PTPN21: variants seen among roughly 807,000 people sequenced by gnomAD.
The protein encoded by PTPN21 is tyrosine-protein phosphatase non-receptor type 21.
A neutral mutation model predicts 131.8 loss-of-function variants in PTPN21; 77 were observed. That is an observed-to-expected ratio of 0.58 (90% CI 0.49 to 0.71). The LOEUF (loss-of-function observed/expected upper bound fraction) is 0.71. Ranked by LOEUF, PTPN21 falls within the 30% of genes least tolerant of loss-of-function variation. The pLI is 0.00. For synonymous variants in PTPN21, 715 were observed against 621.3 expected, an observed-to-expected ratio of 1.15 and a Z score of -2.24; for missense variants, 1,552 against 1,527.1, an observed-to-expected ratio of 1.02 and a Z score of -0.27.
intron 9 of PTPN21, 108 bp from the exon 10 acceptor site, chr14:88,496,600 C>A: frequency 1.2e-6 from 1 of 839,486 alleles, no homozygotes; most frequent in South Asian, 1.5e-5. Context: ...ATGACAAAGT[C>A]ACTTTCAGAA....
chr14:88,502,152 A>C (rs1444507383), intron 6 of PTPN21, among the ~76,000 whole-genome samples: 2 of 152,126 alleles, frequency 1.3e-5, no homozygotes, highest in Non-Finnish European at 2.9e-5. Flanking sequence ...GGAGTGCCCA[A>C]GTGCATGCAG....
At position 88,469,949 on chromosome 14, in the gene PTPN21, T is replaced by G; in HGVS notation, c.2973A>C (p.Ala991=). Residue 991 remains alanine (A), a synonymous_variant, in exon 16 of 19, where the codon GCA becomes GCC. Coordinates refer to ENST00000556564, the MANE Select transcript of PTPN21 (RefSeq NM_007039.4). The surrounding 1 kb of genome is among the most constrained non-coding windows in gnomAD (Gnocchi z 4.3). ...CTTCTGCTGTCACCATTGCTATAAT[T>G]GCAATTCCCTGTTCCCATACCATCT... The part of the protein sequence containing the change: ...FWQMVWEQGI[A]IIAMVTAEEE... The G allele has an allele frequency of 6.2e-7, 1 of 1,614,114 alleles. No homozygotes were observed. The highest frequency in any genetic ancestry group is 8.5e-7 in the Non-Finnish European group (1 of 1,180,012).
At chr14:88,521,342 G>C (rs915217161) in intron 2 of PTPN21, among the ~76,000 whole-genome samples, 1 of 151,952 alleles carries the variant, frequency 6.6e-6, no homozygotes, top group Non-Finnish European at 1.5e-5. Flanking sequence ...TACCACATTC[G>C]GTCTATAATG....
At chr14:88,550,030 C>T (rs897085039) in intron 2 of PTPN21, among the ~76,000 whole-genome samples, 20 of 152,016 alleles carry the variant, frequency 1.3e-4, no homozygotes, top group African/African-American at 4.3e-4. Context: ...GTGATTCGCC[C>T]GCCTCGGCCT....
At chr14:88,470,902 G>A (rs1160592904) in intron 15 of PTPN21, among the ~76,000 whole-genome samples, 2 of 152,122 alleles carry the variant, frequency 1.3e-5, no homozygotes, top group East Asian at 3.9e-4. Flanking sequence ...CTTATAAAGT[G>A]AGGTCCCACC....
chr14:88,508,510 G>A (rs1311230280), intron 3 of PTPN21, among the ~76,000 whole-genome samples: 1 of 152,084 alleles, frequency 6.6e-6, no homozygotes, highest in East Asian at 1.9e-4. Flanking sequence ...ACATATTAAA[G>A]TATATGTGAT....
chr14:88,521,707 G>A (rs1038249917), intron 2 of PTPN21, among the ~76,000 whole-genome samples: 7 of 151,858 alleles, frequency 4.6e-5, no homozygotes, highest in African/African-American at 1.7e-4. Context: ...CACCACGCCT[G>A]GCTGTATGTC....
At chr14:88,514,830 T>C (rs892837494) in intron 3 of PTPN21, among the ~76,000 whole-genome samples, 5 of 152,112 alleles carry the variant, frequency 3.3e-5, no homozygotes, top group South Asian at 2.1e-4. Context: ...TGAGGTATAA[T>C]TGGCATACGA....
At chr14:88,532,598 CCTAT>C (rs1443444602) in intron 2 of PTPN21, among the ~76,000 whole-genome samples, 1 of 152,072 alleles carries the variant, frequency 6.6e-6, no homozygotes. Context: ...AGAAATTTCT[CCTAT>C]CTCTTTTATG....
At chr14:88,477,670 G>C (rs1235620079) in intron 13 of PTPN21, among the ~76,000 whole-genome samples, 1 of 152,058 alleles carries the variant, frequency 6.6e-6, no homozygotes, top group Non-Finnish European at 1.5e-5. Flanking sequence ...GCAGCGATGG[G>C]GGGAGGAGAA....
chr14:88,479,601 G>C lies in PTPN21; in HGVS notation c.1830C>G (p.Ser610Arg), dbSNP rs2077609354. ...CCTGCAGCGAGTGCGCCACGGGCAG[G>C]CTGTCCTCCTGGAACGTTTGCACCG... Reference protein sequence around the residue: ...HHSVQTFQEDSLPVAHSLQEV... With the variant: ...HHSVQTFQEDRLPVAHSLQEV... Residue 610 changes from serine (S) to arginine (R), a missense_variant, in exon 13 of 19, where the codon AGC becomes AGG. Transcript: ENST00000556564. The C allele has an allele frequency of 3.2e-6, 5 of 1,586,912 alleles. No homozygotes were observed. The highest frequency in any genetic ancestry group is 1.3e-5 in the African/African-American group (1 of 74,364).
chr14:88,477,363 C>T (rs1173740040), intron 13 of PTPN21, among the ~76,000 whole-genome samples: 1 of 143,918 alleles, frequency 6.9e-6, no homozygotes, highest in Non-Finnish European at 1.5e-5. Context: ...GCAGGGGAAT[C>T]GCTTGAACCC....
intron 2 of PTPN21, among the ~76,000 whole-genome samples, chr14:88,528,172 T>C (rs1369674388): frequency 6.6e-6 from 1 of 152,178 alleles, no homozygotes; most frequent in Non-Finnish European, 1.5e-5. Context: ...TTGTTTTTTC[T>C]AGTTCTGTGA....
rs1447284122 is a variant in PTPN21, at chr14:88,550,396, T to G, written c.22A>C (p.Lys8Gln). ...GTGTAGCGCCGGGTGCGTTTCAGTTTCAACCCAAATGGCAGTGGCATCTTC... is the reference window on the plus strand; with the variant it reads ...GTGTAGCGCCGGGTGCGTTTCAGTTGCAACCCAAATGGCAGTGGCATCTTC... MPLPFGL[K>Q]LKRTRRYTVS... Residue 8 changes from lysine (K) to glutamine (Q), a missense_variant, in exon 2 of 19, where the codon AAA (lysine) becomes CAA (glutamine). This residue lies in a region of PTPN21 where 206 missense variants were observed against 221.6 expected (regional missense o/e 0.93). Transcript: ENST00000556564. The G allele has an allele frequency of 3.1e-6, 5 of 1,613,862 alleles. No homozygotes were observed. The highest frequency in any genetic ancestry group is 1.1e-5 in the South Asian group (1 of 91,052).
intron 2 of PTPN21, among the ~76,000 whole-genome samples, chr14:88,520,044 C>T (rs1348839363): frequency 1.3e-5 from 2 of 152,122 alleles, no homozygotes; most frequent in Non-Finnish European, 2.9e-5. Context: ...CTAGGTATTT[C>T]TTGGGTCCTT....
At position 88,471,342 on chromosome 14, in the gene PTPN21, G is replaced by A. The variant is rs949113232; in HGVS notation, c.2871+902C>T. 1.1e-4 allele frequency among the ~76,000 whole-genome samples: 16 copies of A among 152,324 alleles called. 1 individual carries two copies. In the East Asian group the frequency reaches 2.9e-3, roughly 28 times the overall value. ...GGCCAGCATGAACAAAGGGTACAATGAGGAAGAGGGAACATCTGGCTTTAT... is the reference window on the plus strand; with the variant it reads ...GGCCAGCATGAACAAAGGGTACAATAAGGAAGAGGGAACATCTGGCTTTAT... On this transcript the variant is annotated intron_variant, in intron 15 of 18. Transcript: ENST00000556564.
chr14:88,504,638 G>C (rs1221894381), intron 5 of PTPN21, 143 bp from the exon 6 acceptor site: 1 of 583,598 alleles, frequency 1.7e-6, no homozygotes, highest in Non-Finnish European at 3.0e-6. Context: ...TGTTTACATA[G>C]GTAATCATCT....
intron 8 of PTPN21, 31 bp from the exon 9 acceptor site, chr14:88,497,321 G>A: frequency 6.5e-7 from 1 of 1,530,448 alleles, no homozygotes; most frequent in Non-Finnish European, 9.1e-7. Flanking sequence ...AACTGGCAAT[G>A]TGAGTGCCCA....
chr14:88,496,712 C>T (rs1035653023), intron 9 of PTPN21, among the ~76,000 whole-genome samples: 5 of 152,158 alleles, frequency 3.3e-5, no homozygotes, highest in African/African-American at 1.2e-4. Flanking sequence ...CAGTGTGATT[C>T]TCATATTAAA....
Sources: gnomAD v4.1 joint callset for allele counts (sites outside exome capture counted in the v4.1 genomes callset) on GRCh38, gnomAD v4.1.1 for gene constraint, gnomAD v4.1.1 regional missense constraint, Gnocchi (gnomAD v3.1) non-coding constraint, MANE v1.5 for transcripts, NCBI Gene and HGNC (gene_info 2026-07-23, HGNC 2026-07-21) for gene names.